Variants in SLC4A5 observed in about 807,000 individuals in gnomAD.
SLC4A5 encodes electrogenic sodium bicarbonate cotransporter 4.
SLC4A5 carries 96 observed loss-of-function variants against 120.4 expected under a neutral mutation model. The ratio of observed to expected loss-of-function variants is 0.80; its 90% CI spans 0.68 to 0.94. The LOEUF (loss-of-function observed/expected upper bound fraction) is 0.94, where lower values mean the gene tolerates loss of function less well. Ranked by LOEUF, SLC4A5 falls within the 40% of genes least tolerant of loss-of-function variation. The pLI is 0.00. For missense variants in SLC4A5, 1,259 were observed against 1,459.5 expected (o/e 0.86, Z 2.24); for synonymous variants, 550 against 571.1 (o/e 0.96, Z 0.53).
chr2:74,337,784 TG>T (rs1673532243), intron 3 of SLC4A5, among the ~76,000 whole-genome samples: 1 of 152,238 alleles, frequency 6.6e-6, no homozygotes, highest in Non-Finnish European at 1.5e-5. Context: ...AGTAACTATC[TG>T]CCCCTGTTGT....
At chr2:74,256,891 A>G (rs1301143291) in intron 12 of SLC4A5, among the ~76,000 whole-genome samples, 1 of 152,220 alleles carries the variant, frequency 6.6e-6, no homozygotes, top group Non-Finnish European at 1.5e-5. Flanking sequence ...TGCAGTCCAC[A>G]GTCGCTGACA....
intron 20 of SLC4A5, among the ~76,000 whole-genome samples, chr2:74,240,571 C>T (rs1363677509): frequency 6.6e-6 from 1 of 152,038 alleles, no homozygotes; most frequent in Non-Finnish European, 1.5e-5. Flanking sequence ...TGATACTTGG[C>T]CAGCCTGGGC....
chr2:74,255,358 T>C lies in SLC4A5; in HGVS notation c.1025+417A>G, dbSNP rs1670929366. On this transcript the variant is annotated intron_variant, in intron 13 of 30. Coordinates refer to ENST00000394019, the Ensembl canonical transcript of SLC4A5. This position sits in a 1 kb window ranked among gnomAD's most constrained non-coding sequence, Gnocchi z 4.0. Reference sequence around the variant, plus strand: ...CCCAGGCTGGGGTGCAATAGCATGATCTCGGCTCACTGCAACCTCTGCCTC... The same window carrying C: ...CCCAGGCTGGGGTGCAATAGCATGACCTCGGCTCACTGCAACCTCTGCCTC... Among the ~76,000 whole-genome samples, 1 of 152,170 alleles carries C rather than the reference T, an allele frequency of 6.6e-6. No individual in the cohort carries two copies. Among genetic ancestry groups the C allele is most frequent in the Non-Finnish European group, 1.5e-5 (1 of 68,046 alleles).
rs141927378 is a variant in SLC4A5 at position 74,310,747 on chromosome 2, T to C, written c.79+4198A>G. On this transcript the variant is annotated intron_variant, in intron 6 of 30. Coordinates refer to ENST00000394019, the Ensembl canonical transcript of SLC4A5. ...TTTGCATATATATTCATAAGGGACA[T>C]TGGTGTGTAGTTTTTCTTCTTGTCA... Among the ~76,000 whole-genome samples, 13 of 152,264 alleles carry C rather than the reference T, an allele frequency of 8.5e-5. No individual in the cohort carries two copies. In the Middle Eastern group the frequency reaches 0.01, roughly 120 times the overall value.
In SLC4A5 at chr2:74,253,979, T is replaced by TC. The variant is rs545688454; in HGVS notation, c.1113+639dup. On this transcript the variant is annotated intron_variant, in intron 14 of 30. Coordinates refer to ENST00000394019, the Ensembl canonical transcript of SLC4A5. The stretch of plus-strand genomic sequence containing the variant: ...AGAATGATGTCTTTTGTTTCCAAAG[T>TC]CAACATATAAGAGCAATGCAAAAAT... 1.6e-3 allele frequency among the ~76,000 whole-genome samples: 242 copies of TC among 152,258 alleles called. 2 individuals carry two copies. The highest frequency in any genetic ancestry group is 5.6e-3 in the African/African-American group (231 of 41,554).
intron 7 of SLC4A5, among the ~76,000 whole-genome samples, chr2:74,296,594 A>C (rs1213762495): frequency 1.3e-5 from 2 of 149,104 alleles, no homozygotes; most frequent in African/African-American, 2.5e-5. Flanking sequence ...CAACATGGTG[A>C]AACCCGTCTC....
rs1279414204 is a variant in SLC4A5 at position 74,319,756 on chromosome 2, G to A, written c.-2-4731C>T. Reference sequence around the variant, plus strand: ...GCCACCCCTAACCTCTTTGAGATCTGTAAATAATAAATTTCTTCTGTTTTA... The same window carrying A: ...GCCACCCCTAACCTCTTTGAGATCTATAAATAATAAATTTCTTCTGTTTTA... On this transcript the variant is annotated intron_variant, in intron 5 of 30. Transcript: ENST00000394019. Among the ~76,000 whole-genome samples the A allele has an allele frequency of 2.0e-5, 3 of 152,004 alleles. No individual in the cohort carries two copies. The South Asian group carries it at 6.2e-4, about 32-fold the overall frequency.
chr2:74,299,303 A>G (rs2104235441), intron 7 of SLC4A5, among the ~76,000 whole-genome samples: 1 of 152,300 alleles, frequency 6.6e-6, no homozygotes, highest in Non-Finnish European at 1.5e-5. Context: ...GTGAGCTGAG[A>G]TTGCGCCATT....
chr2:74,282,069 A>G (rs563321182), intron 8 of SLC4A5, among the ~76,000 whole-genome samples: 8 of 152,210 alleles, frequency 5.3e-5, no homozygotes, highest in African/African-American at 1.7e-4. Context: ...AGAAACTGCT[A>G]TTTTTTTGTG....
chr2:74,220,618 G>C (rs371420518), intron 30 of SLC4A5, among the ~76,000 whole-genome samples: 2 of 150,892 alleles, frequency 1.3e-5, no homozygotes, highest in African/African-American at 4.9e-5. Flanking sequence ...CCAGGTTCAC[G>C]CCATTCTCCT....
At chr2:74,239,654 C>T (rs1670375093) in intron 20 of SLC4A5, 119 bp from the exon 21 acceptor site, 1 of 927,840 alleles carries the variant, frequency 1.1e-6, no homozygotes, top group African/African-American at 1.6e-5. Flanking sequence ...GGACCCCAGC[C>T]CCCCAGAGTG....
intron 12 of SLC4A5, among the ~76,000 whole-genome samples, chr2:74,258,042 G>A (rs1410922746): frequency 6.6e-6 from 1 of 152,186 alleles, no homozygotes; most frequent in Non-Finnish European, 1.5e-5. Context: ...GCCTGGATGT[G>A]GGCTTGTATA....
At chr2:74,235,592 C>T (rs1481732011) in intron 21 of SLC4A5, among the ~76,000 whole-genome samples, 1 of 152,174 alleles carries the variant, frequency 6.6e-6, no homozygotes, top group African/African-American at 2.4e-5. Flanking sequence ...GGGCACCCAG[C>T]AGGTATGATG....
chr2:74,263,356 G>A (rs1290136336), intron 10 of SLC4A5, among the ~76,000 whole-genome samples: 1 of 152,182 alleles, frequency 6.6e-6, no homozygotes. Context: ...AAAGTGCTGG[G>A]ATTACAGGTG....
At chr2:74,279,800 C>G (rs1671751481) in intron 8 of SLC4A5, among the ~76,000 whole-genome samples, 1 of 152,200 alleles carries the variant, frequency 6.6e-6, no homozygotes, top group Admixed American at 6.5e-5. Flanking sequence ...CCATGAGGTA[C>G]TCACTAGCTC....
intron 26 of SLC4A5, 37 bp from the exon 27 acceptor site, chr2:74,227,167 C>T (rs1438740845): frequency 2.6e-6 from 4 of 1,561,278 alleles, no homozygotes; most frequent in Non-Finnish European, 2.6e-6. Context: ...GGCAGCCAGA[C>T]CCCGAGGGCC....
chr2:74,329,890 G>C (rs1162862869), intron 4 of SLC4A5, among the ~76,000 whole-genome samples: 2 of 151,858 alleles, frequency 1.3e-5, no homozygotes, highest in African/African-American at 4.8e-5. Context: ...TTACATGGAA[G>C]TGATGAGATG....
intron 20 of SLC4A5, among the ~76,000 whole-genome samples, chr2:74,241,257 A>ATTATTATTATTATTAT (rs1553452657): frequency 6.8e-6 from 1 of 146,658 alleles, no homozygotes; most frequent in African/African-American, 2.5e-5. Context: ...TCATATTATT[A>ATTATTATTATTATTAT]TTATTATTAT....
exon 1 of SLC4A5, chr2:74,343,359 A>G (rs1371684534): frequency 6.6e-6 from 1 of 152,114 alleles, no homozygotes; most frequent in Non-Finnish European, 1.5e-5. Flanking sequence ...TACTTACCCC[A>G]GTGCAGTGGC....
Sources: allele counts gnomAD v4.1 joint callset (sites outside exome capture counted in the v4.1 genomes callset), GRCh38; gene constraint gnomAD v4.1.1; non-coding constraint Gnocchi (gnomAD v3.1); transcripts MANE v1.5; gene names NCBI Gene and HGNC (gene_info 2026-07-23, HGNC 2026-07-21).